Variants in C4orf50 observed in about 807,000 individuals in gnomAD.
The protein encoded by C4orf50 is chromosome 4 open reading frame 50, also known as uncharacterized protein C4orf50.
A neutral mutation model predicts 77.2 loss-of-function variants in C4orf50; 80 were observed. That is an observed-to-expected ratio of 1.04 (90% confidence interval 0.87 to 1.25). The LOEUF is 1.25. Among genes scored for constraint, C4orf50 ranks in the 50% most tolerant of loss-of-function variants. C4orf50 has a pLI of 0.00. For synonymous variants in C4orf50, 532 were observed against 465.3 expected (o/e 1.14, Z -1.84); for missense variants, 1,257 against 1,152.9 (o/e 1.09, Z -1.31).
exon 34 of C4orf50, chr4:5,959,616 G>A (rs751285609): frequency 1.2e-6 from 2 of 1,612,432 alleles, no homozygotes; most frequent in Non-Finnish European, 8.5e-7. Flanking sequence ...GGACACCAAG[G>A]ACAGAGGGAG....
At chr4:5,914,710 A>T (rs1351294627) in intron 7 of C4orf50, among the ~76,000 whole-genome samples, 1 of 152,214 alleles carries the variant, frequency 6.6e-6, no homozygotes, top group African/African-American at 2.4e-5. Context: ...AGAAATACTT[A>T]GAGGGTATAA....
Position 5,981,654 on chromosome 4 carries a change from T to C in C4orf50, c.3700-1316A>G, listed in dbSNP as rs551574691. ...CCAGACCTCAGGTGATCCACCCGCCTCAGCCTCCCAAAGTGCTGAGGTTAC... is the reference window on the plus strand; with the variant it reads ...CCAGACCTCAGGTGATCCACCCGCCCCAGCCTCCCAAAGTGCTGAGGTTAC... On this transcript the variant is annotated intron_variant, in intron 28 of 33. Coordinates refer to ENST00000531445, the Ensembl canonical transcript of C4orf50. Among the ~76,000 whole-genome samples, 67 of 152,250 alleles carry C rather than the reference T, an allele frequency of 4.4e-4. 1 individual carries two copies. In the South Asian group the frequency reaches 0.014, roughly 32 times the overall value.
chr4:5,963,000 C>CTTTTTTTTTTTTTTTTT (rs370272649), intron 33 of C4orf50, among the ~76,000 whole-genome samples: 12 of 146,084 alleles, frequency 8.2e-5, no homozygotes, highest in South Asian at 2.2e-4. Context: ...TTTTTCTTTT[C>CTTTTTTTTTTTTTTTTT]TTTTTTTTTT....
intron 24 of C4orf50, among the ~76,000 whole-genome samples, chr4:6,010,922 G>A (rs767923682): frequency 1.1e-4 from 17 of 152,242 alleles, no homozygotes; most frequent in South Asian, 2.1e-4. Flanking sequence ...ACAACAATCT[G>A]AGGGGATTGG....
chr4:5,949,725 G>A (rs1048005505), intron 7 of C4orf50, among the ~76,000 whole-genome samples: 3 of 152,196 alleles, frequency 2.0e-5, no homozygotes, highest in Admixed American at 6.5e-5. Context: ...AGTGGCTCAC[G>A]TCTGTAATCC....
At chr4:5,972,839 A>C (rs1013536102) in intron 31 of C4orf50, among the ~76,000 whole-genome samples, 2 of 152,088 alleles carry the variant, frequency 1.3e-5, no homozygotes, top group Admixed American at 1.3e-4. Context: ...GGCTGCATGT[A>C]TATGTGTGGG....
chr4:5,947,827 A>G (rs774453763), intron 7 of C4orf50, among the ~76,000 whole-genome samples: 4 of 152,188 alleles, frequency 2.6e-5, no homozygotes, highest in Non-Finnish European at 5.9e-5. Flanking sequence ...GGACTGCTTT[A>G]TCTACTTTCA....
intron 7 of C4orf50, among the ~76,000 whole-genome samples, chr4:5,924,220 A>T (rs1224173382): frequency 6.6e-6 from 1 of 152,156 alleles, no homozygotes; most frequent in Non-Finnish European, 1.5e-5. Flanking sequence ...ACTCCTTAAT[A>T]AACTCCCCTT....
chr4:5,983,411 TC>T (rs1720703272), intron 28 of C4orf50, among the ~76,000 whole-genome samples: 1 of 152,188 alleles, frequency 6.6e-6, no homozygotes, highest in Non-Finnish European at 1.5e-5. Context: ...TTTCTGTTTT[TC>T]CAATGAGCCA....
chr4:5,953,510 G>T (rs1453478127), downstream of C4orf50, among the ~76,000 whole-genome samples: 1 of 152,144 alleles, frequency 6.6e-6, no homozygotes, highest in Non-Finnish European at 1.5e-5. Flanking sequence ...GCAGGTGCTG[G>T]GACTATTTGG....
chr4:5,967,555 C>T (rs1351019835), intron 31 of C4orf50, 93 bp from the exon 10 acceptor site: 9 of 1,199,768 alleles, frequency 7.5e-6, no homozygotes, highest in Middle Eastern at 3.8e-4. Context: ...AGGGCCATCA[C>T]CCCTCCCCGC....
intron 7 of C4orf50, among the ~76,000 whole-genome samples, chr4:5,933,095 T>C (rs762070952): frequency 2.0e-5 from 3 of 152,188 alleles, no homozygotes; most frequent in Non-Finnish European, 4.4e-5. Flanking sequence ...TGTTGTCTTG[T>C]GCATCCTAAG....
At chr4:5,929,658 G>T (rs6839824) in intron 7 of C4orf50, among the ~76,000 whole-genome samples, 3 of 152,196 alleles carry the variant, frequency 2.0e-5, no homozygotes, top group Admixed American at 2.0e-4. Flanking sequence ...CTGAATGAAG[G>T]ATGCCCTGAG....
chr4:5,963,429 G>GA (rs1242300842), intron 33 of C4orf50, among the ~76,000 whole-genome samples: 1 of 151,506 alleles, frequency 6.6e-6, no homozygotes, highest in African/African-American at 2.4e-5. Context: ...TTACCCATCA[G>GA]AAAAAAAAGT....
downstream of C4orf50, among the ~76,000 whole-genome samples, chr4:5,954,899 T>C (rs776833512): frequency 6.6e-6 from 1 of 152,056 alleles, no homozygotes; most frequent in East Asian, 1.9e-4. This position sits in a 1 kb window ranked among gnomAD's most constrained non-coding sequence, Gnocchi z 4.7. Flanking sequence ...GCCGCAGGCA[T>C]TGAGCTCCTG....
rs1722376614 is a variant in C4orf50, at chr4:6,008,990, T to A, written c.427-458A>T. Among the ~76,000 whole-genome samples the A allele has an allele frequency of 6.6e-6, 1 of 152,106 alleles. No homozygotes were observed. Among genetic ancestry groups the A allele is most frequent in the South Asian group, 2.1e-4 (1 of 4,814 alleles). On this transcript the variant is annotated intron_variant, in intron 24 of 33. Transcript: ENST00000531445. This position sits in a 1 kb window ranked among gnomAD's most constrained non-coding sequence, Gnocchi z 6.0. ...GGGTCAATGCTTGGCCCACCCAGGG[T>A]CAGCTGGCCCCAGCAGGTGAGTCGC...
exon 28 of C4orf50, chr4:5,990,165 A>G: frequency 8.0e-7 from 1 of 1,251,796 alleles, no homozygotes; most frequent in Non-Finnish European, 1.0e-6. Context: ...CCCCCTGTAG[A>G]AGAGGCATCA....
exon 34 of C4orf50, chr4:5,959,480 A>G (rs1172765283): frequency 1.9e-6 from 3 of 1,614,100 alleles, no homozygotes; most frequent in Non-Finnish European, 2.5e-6. Context: ...TCAGGAGCTC[A>G]GAGGGTGCTG....
rs78751211 is a variant in C4orf50 at position 5,973,689 on chromosome 4, C to T, written c.4074G>A (p.Thr1358=). Residue 1358 remains threonine, a synonymous_variant, in exon 31 of 34, where the codon ACG becomes ACA. Transcript: ENST00000531445. ...GGACTCCCGGAGCCAGGAAGGTGGC[C>T]GTGTACTCAGCCAGTGCCACGTCGT... 1.4e-5 allele frequency: 23 copies of T among 1,613,486 alleles called. No individual in the cohort carries two copies. The East Asian group carries it at 1.8e-4, about 13-fold the overall frequency.
Sources: allele counts gnomAD v4.1 joint callset (sites outside exome capture counted in the v4.1 genomes callset), GRCh38; gene constraint gnomAD v4.1.1; non-coding constraint Gnocchi (gnomAD v3.1); transcripts MANE v1.5; gene names NCBI Gene and HGNC (gene_info 2026-07-23, HGNC 2026-07-21).